The following TMEM132D variants were observed in gnomAD, a reference collection of about 807,000 sequenced individuals.
TMEM132D encodes mature OL transmembrane protein.
Under a neutral mutation model 62.3 loss-of-function variants are expected in TMEM132D, and 21 were observed. The observed-to-expected ratio is 0.34, with a 90% CI of 0.24 to 0.49. TMEM132D has a LOEUF of 0.49. Ranked by LOEUF, TMEM132D falls within the 20% of genes least tolerant of loss-of-function variation. The pLI is 0.99. For synonymous variants in TMEM132D, 621 were observed against 575.6 expected (o/e 1.08, Z -1.13); for missense variants, 1,346 against 1,402.8 (o/e 0.96, Z 0.65).
intron 4 of TMEM132D, among the ~76,000 whole-genome samples, chr12:129,241,615 C>T (rs1387148818): frequency 6.6e-6 from 1 of 152,196 alleles, no homozygotes; most frequent in Non-Finnish European, 1.5e-5. Context: ...TCTCCTCTGA[C>T]TTCTCTTAAT....
chr12:129,808,922 T>C (rs1012404488), intron 1 of TMEM132D, among the ~76,000 whole-genome samples: 1 of 152,074 alleles, frequency 6.6e-6, no homozygotes, highest in Non-Finnish European at 1.5e-5. Flanking sequence ...ATCTCTGAAG[T>C]AAAACTAGGA....
intron 4 of TMEM132D, among the ~76,000 whole-genome samples, chr12:129,306,196 T>C (rs934697543): frequency 2.0e-5 from 3 of 152,198 alleles, no homozygotes; most frequent in African/African-American, 7.2e-5. Context: ...TACCAAAAGC[T>C]AAAAAGTACA....
intron 3 of TMEM132D, among the ~76,000 whole-genome samples, chr12:129,503,761 C>T (rs1875234024): frequency 1.3e-5 from 2 of 152,138 alleles, no homozygotes; most frequent in South Asian, 4.1e-4. Context: ...AGATTGACCC[C>T]AAGCTTAGGG....
At chr12:129,113,855 C>CAGA (rs1419640912) in intron 5 of TMEM132D, among the ~76,000 whole-genome samples, 1 of 151,964 alleles carries the variant, frequency 6.6e-6, no homozygotes, top group Non-Finnish European at 1.5e-5. Context: ...TTGATCTTGA[C>CAGA]AGAAGACCAG....
At chr12:129,283,400 G>A (rs1376672584) in intron 4 of TMEM132D, among the ~76,000 whole-genome samples, 1 of 151,984 alleles carries the variant, frequency 6.6e-6, no homozygotes, top group East Asian at 1.9e-4. Flanking sequence ...CCATGTTGGC[G>A]AGGCTGGTCT....
chr12:129,364,460 T>C (rs1255943188), intron 3 of TMEM132D, among the ~76,000 whole-genome samples: 1 of 152,252 alleles, frequency 6.6e-6, no homozygotes, highest in Non-Finnish European at 1.5e-5. Context: ...GCAAAGTATT[T>C]AGGACTATGC....
intron 3 of TMEM132D, among the ~76,000 whole-genome samples, chr12:129,399,197 A>G (rs1412239801): frequency 6.8e-6 from 1 of 147,008 alleles, no homozygotes; most frequent in Non-Finnish European, 1.5e-5. Flanking sequence ...TAGCTAACCC[A>G]CTCCAGTGAT....
At chr12:129,114,385 ACTCCTTCCTTCCTTCC>A (rs1270716156) in intron 5 of TMEM132D, among the ~76,000 whole-genome samples, 100 of 140,312 alleles carry the variant, frequency 7.1e-4, no homozygotes, top group African/African-American at 2.6e-3. Flanking sequence ...ACAGTTGGAA[ACTCCTTCCTTCCTTCC>A]CTCCTTCCCT....
At chr12:129,698,783 AAGAG>A (rs1304604695) in intron 2 of TMEM132D, among the ~76,000 whole-genome samples, 1 of 147,674 alleles carries the variant, frequency 6.8e-6, no homozygotes, top group African/African-American at 2.5e-5. Context: ...GAGAGGGAGA[AAGAG>A]AGGGAGAAAG....
chr12:129,617,863 T>C (rs1360163593), intron 2 of TMEM132D, among the ~76,000 whole-genome samples: 4 of 152,194 alleles, frequency 2.6e-5, no homozygotes, highest in African/African-American at 9.7e-5. Context: ...TGGGGGTTAA[T>C]ATGAATACTA....
intron 2 of TMEM132D, among the ~76,000 whole-genome samples, chr12:129,645,523 G>A (rs1291397891): frequency 6.6e-6 from 1 of 152,036 alleles, no homozygotes; most frequent in Non-Finnish European, 1.5e-5. Context: ...AACTTTTAGG[G>A]GGCCAATTTC....
intron 3 of TMEM132D, among the ~76,000 whole-genome samples, chr12:129,445,261 G>A (rs1436689584): frequency 1.3e-5 from 2 of 152,102 alleles, no homozygotes; most frequent in African/African-American, 2.4e-5. Flanking sequence ...GCTAAATGAT[G>A]AGAACACATG....
chr12:129,403,508 A>C (rs948237131), intron 3 of TMEM132D, among the ~76,000 whole-genome samples: 2 of 151,852 alleles, frequency 1.3e-5, no homozygotes, highest in Admixed American at 6.6e-5. Context: ...CAGCTCACAC[A>C]CAATTTTGGA....
intron 5 of TMEM132D, among the ~76,000 whole-genome samples, chr12:129,146,596 T>A (rs1876905984): frequency 6.6e-6 from 1 of 152,154 alleles, no homozygotes; most frequent in Admixed American, 6.5e-5. Context: ...GGTCACACAT[T>A]ACCTGTCCAG....
intron 1 of TMEM132D, among the ~76,000 whole-genome samples, chr12:129,740,504 C>T (rs561233353): frequency 6.6e-6 from 1 of 152,278 alleles, no homozygotes; most frequent in African/African-American, 2.4e-5. Context: ...TCTCATGATA[C>T]ACATCCATGT....
chr12:129,634,078 C>T (rs568747833), intron 2 of TMEM132D, among the ~76,000 whole-genome samples: 5 of 152,286 alleles, frequency 3.3e-5, no homozygotes, highest in Middle Eastern at 6.8e-3. Context: ...TCCAAACACC[C>T]GCATCCCATC....
At chr12:129,580,046 T>G (rs1006589826) in intron 2 of TMEM132D, among the ~76,000 whole-genome samples, 4 of 152,186 alleles carry the variant, frequency 2.6e-5, no homozygotes, top group African/African-American at 9.7e-5. Flanking sequence ...GGTAAGTGGC[T>G]ACTTGGCCCA....
At chr12:129,848,888 C>A (rs1306027503) in intron 1 of TMEM132D, among the ~76,000 whole-genome samples, 1 of 152,178 alleles carries the variant, frequency 6.6e-6, no homozygotes, top group Non-Finnish European at 1.5e-5. Flanking sequence ...ATCTGTCCTA[C>A]TCATCTTCCT....
At chr12:129,589,685 G>A (rs529848302) in intron 2 of TMEM132D, among the ~76,000 whole-genome samples, 3 of 152,248 alleles carry the variant, frequency 2.0e-5, no homozygotes, top group East Asian at 3.9e-4. Context: ...GATGACTTGT[G>A]GGCAGGTGGA....
Sources: allele counts gnomAD v4.1 joint callset (sites outside exome capture counted in the v4.1 genomes callset), GRCh38; gene constraint gnomAD v4.1.1; transcripts MANE v1.5; gene names NCBI Gene and HGNC (gene_info 2026-07-23, HGNC 2026-07-21).